RGS12: variants seen among roughly 807,000 people sequenced by gnomAD.
The protein encoded by RGS12 is regulator of G protein signaling 12.
A neutral mutation model predicts 120.1 loss-of-function variants in RGS12; 66 were observed. That is an observed-to-expected ratio of 0.55 (90% CI 0.45 to 0.67). The LOEUF is 0.67. Ranked by LOEUF, RGS12 falls within the 30% of genes least tolerant of loss-of-function variation. The probability of loss-of-function intolerance (pLI) is 0.00; values close to 1 mark genes in which losing one functional copy is unlikely to be tolerated. For missense variants in RGS12, 1,859 were observed against 1,957.7 expected, an observed-to-expected ratio of 0.95 and a Z score of 0.95; for synonymous variants, 827 against 804.7, an observed-to-expected ratio of 1.03 and a Z score of -0.47.
intron 3 of RGS12, among the ~76,000 whole-genome samples, chr4:3,376,376 G>A (rs952304707): frequency 4.6e-5 from 7 of 152,220 alleles, no homozygotes; most frequent in East Asian, 3.9e-4. Context: ...TCTGCCAGGC[G>A]AGGTTGCACG....
At chr4:3,298,645 T>G (rs1723512691) in intron 1 of RGS12, among the ~76,000 whole-genome samples, 1 of 152,244 alleles carries the variant, frequency 6.6e-6, no homozygotes, top group South Asian at 2.1e-4. Flanking sequence ...AAGCTCCTCC[T>G]GGGATTTTTG....
Position 3,317,537 on chromosome 4 carries a change from C to T in RGS12, c.1367C>T (p.Ala456Val), listed in dbSNP as rs138184837. Residue 456 changes from alanine (A) to valine (V), a missense_variant, in exon 2 of 18, where the codon GCG becomes GTG. Coordinates refer to ENST00000336727, the MANE Select transcript of RGS12 (RefSeq NM_001394154.1). ...SSSRHGPGGSAWDGVGGRGAQ... is the reference protein window; with the variant it reads ...SSSRHGPGGSVWDGVGGRGAQ... ...AGCAGACACGGCCCCGGAGGCAGCG[C>T]GTGGGACGGTGTGGGTGGGAGGGGT... The T allele has an allele frequency of 2.2e-5, 36 of 1,610,398 alleles. No homozygotes were observed. Among genetic ancestry groups the T allele is most frequent in the Middle Eastern group, 1.6e-4 (1 of 6,084 alleles).
At chr4:3,439,117 G>T (rs1356420145) in intron 17 of RGS12, among the ~76,000 whole-genome samples, 2 of 152,008 alleles carry the variant, frequency 1.3e-5, no homozygotes, top group East Asian at 3.9e-4. Context: ...CCCCCAGGAG[G>T]AATTAGGGGG....
At chr4:3,288,192 C>T (rs748328283), upstream of RGS12, among the ~76,000 whole-genome samples, 8 of 152,208 alleles carry the variant, frequency 5.3e-5, no homozygotes, top group South Asian at 1.0e-3. This position sits in a 1 kb window ranked among gnomAD's most constrained non-coding sequence, Gnocchi z 5.2. Flanking sequence ...GTGATGGGCC[C>T]GGCGGGTGTG....
intron 9 of RGS12, 40 bp downstream of exon 9, chr4:3,417,581 G>C: frequency 1.9e-6 from 3 of 1,600,270 alleles, no homozygotes; most frequent in Non-Finnish European, 1.7e-6. Flanking sequence ...TCCAGGCCAG[G>C]CAGCCGCGTC....
rs1008344318 is a variant in RGS12, at chr4:3,336,818, C to T, written c.1882-6119C>T. Among the ~76,000 whole-genome samples, 6 of 152,132 alleles carry T rather than the reference C, an allele frequency of 3.9e-5. No homozygotes were observed. In the East Asian group the frequency reaches 1.2e-3, roughly 29 times the overall value. On this transcript the variant is annotated intron_variant, in intron 2 of 17. Coordinates refer to ENST00000336727, the MANE Select transcript of RGS12 (RefSeq NM_001394154.1). ...GAGAAAACATTTGCAAGCCATGTAT[C>T]TGATATGCAGTTAATATGCAGAGTC...
chr4:3,429,339 T>C (rs927886909), intron 16 of RGS12, among the ~76,000 whole-genome samples: 3 of 152,222 alleles, frequency 2.0e-5, no homozygotes, highest in African/African-American at 7.2e-5. Flanking sequence ...CCAGCAGCTG[T>C]CACCGTGACC....
At chr4:3,293,712 T>G (rs895269991) in intron 1 of RGS12, among the ~76,000 whole-genome samples, 1 of 149,048 alleles carries the variant, frequency 6.7e-6, no homozygotes, top group Non-Finnish European at 1.5e-5. Flanking sequence ...CTGTGGAGTG[T>G]AGACAGAAAG....
chr4:3,329,461 C>T (rs1164842388), intron 2 of RGS12, among the ~76,000 whole-genome samples: 1 of 152,056 alleles, frequency 6.6e-6, no homozygotes, highest in African/African-American at 2.4e-5. Flanking sequence ...GGCCTGCACC[C>T]AGGCCAGGCA....
intron 2 of RGS12, among the ~76,000 whole-genome samples, chr4:3,330,087 C>A (rs924914470): frequency 6.6e-6 from 1 of 152,210 alleles, no homozygotes; most frequent in Non-Finnish European, 1.5e-5. Flanking sequence ...CCAGATTTCA[C>A]ATGGGAGGTC....
chr4:3,336,669 GA>G (rs1553800928), intron 2 of RGS12, among the ~76,000 whole-genome samples: 1 of 152,148 alleles, frequency 6.6e-6, no homozygotes, highest in Non-Finnish European at 1.5e-5. Flanking sequence ...AATTGGTTAG[GA>G]ATTTTTAGTT....
intron 1 of RGS12, among the ~76,000 whole-genome samples, chr4:3,299,422 G>C (rs1301859881): frequency 6.6e-6 from 1 of 152,086 alleles, no homozygotes; most frequent in Non-Finnish European, 1.5e-5. Flanking sequence ...AGTTGGTGCA[G>C]CTCTCTCCTT....
intron 3 of RGS12, among the ~76,000 whole-genome samples, chr4:3,345,498 T>C (rs1042566920): frequency 1.3e-5 from 2 of 152,242 alleles, no homozygotes; most frequent in Non-Finnish European, 2.9e-5. Flanking sequence ...CTGTCCCAGT[T>C]TGGTGTGGTC....
intron 17 of RGS12, among the ~76,000 whole-genome samples, chr4:3,436,513 C>A (rs559950859): frequency 6.6e-6 from 1 of 152,220 alleles, no homozygotes; most frequent in Admixed American, 6.5e-5. Context: ...GAAGGGCGGG[C>A]AGTGGGAGAG....
chr4:3,396,480 A>AT (rs954586572), intron 4 of RGS12, among the ~76,000 whole-genome samples: 7 of 152,270 alleles, frequency 4.6e-5, no homozygotes, highest in African/African-American at 9.6e-5. Context: ...GGTAAGATTC[A>AT]TTTTTTCTAC....
chr4:3,364,978 G>T (rs1451659851), intron 3 of RGS12, among the ~76,000 whole-genome samples: 1 of 152,090 alleles, frequency 6.6e-6, no homozygotes, highest in Admixed American at 6.5e-5. Context: ...CAGAATCCAG[G>T]TGGTCACTGG....
chr4:3,326,287 C>T (rs1725549636), intron 2 of RGS12, among the ~76,000 whole-genome samples: 1 of 152,176 alleles, frequency 6.6e-6, no homozygotes, highest in South Asian at 2.1e-4. Context: ...CGCTCTGTCA[C>T]CCAGGCTGGA....
intron 4 of RGS12, among the ~76,000 whole-genome samples, chr4:3,386,939 C>T (rs1345393505): frequency 6.6e-6 from 1 of 152,150 alleles, no homozygotes; most frequent in Non-Finnish European, 1.5e-5. Context: ...ATTTTGTGCA[C>T]AGGGATTCTT....
At chr4:3,324,354 C>A in intron 2 of RGS12, 1 of 181,430 alleles carries the variant, frequency 5.5e-6, no homozygotes, top group South Asian at 8.9e-5. Flanking sequence ...ACAGTATCAA[C>A]CCCTGCTGGA....
Sources: allele counts gnomAD v4.1 joint callset (sites outside exome capture counted in the v4.1 genomes callset), GRCh38; gene constraint gnomAD v4.1.1; non-coding constraint Gnocchi (gnomAD v3.1); transcripts MANE v1.5; gene names NCBI Gene and HGNC (gene_info 2026-07-23, HGNC 2026-07-21).